Variants in DIAPH2 observed in about 807,000 individuals in gnomAD.
The protein encoded by DIAPH2 is diaphanous related formin 2.
In DIAPH2, 35 loss-of-function variants were observed where a neutral mutation model predicts 92.7. The ratio of observed to expected loss-of-function variants is 0.38; its 90% CI spans 0.29 to 0.50. The LOEUF (loss-of-function observed/expected upper bound fraction) is 0.50. Among genes scored for constraint, DIAPH2 ranks in the 20% least tolerant of loss-of-function variants. DIAPH2 has a pLI of 0.94. For synonymous variants in DIAPH2, 301 were observed against 280.4 expected (o/e 1.07, Z -0.73); for missense variants, 701 against 819.5 (o/e 0.86, Z 1.77).
chrX:97,499,510 A>G (rs1370846468), intron 26 of DIAPH2, among the ~76,000 whole-genome samples: 4 of 111,948 alleles, frequency 3.6e-5, no homozygotes, highest in African/African-American at 6.5e-5. Context: ...TGTCACTCAA[A>G]TAGTGACCAT....
intron 26 of DIAPH2, among the ~76,000 whole-genome samples, chrX:97,572,177 A>C (rs1279265758): frequency 9.1e-6 from 1 of 109,623 alleles, no homozygotes; most frequent in Non-Finnish European, 1.9e-5. Flanking sequence ...CAGCCGTTAC[A>C]TATCATTAGT....
intron 23 of DIAPH2, among the ~76,000 whole-genome samples, chrX:97,250,424 G>A (rs952697520): frequency 2.7e-5 from 3 of 112,058 alleles, no homozygotes; most frequent in Non-Finnish European, 3.8e-5. Context: ...TGAATATGCA[G>A]GTTGGATCTT....
At chrX:97,591,582 AGAAAC>A (rs2071517499) in intron 26 of DIAPH2, among the ~76,000 whole-genome samples, 1 of 112,337 alleles carries the variant, frequency 8.9e-6, no homozygotes, top group Non-Finnish European at 1.9e-5. Context: ...ACAAGTTTCT[AGAAAC>A]TACTATGTAT....
chrX:97,410,152 T>C (rs971529125), intron 25 of DIAPH2, among the ~76,000 whole-genome samples: 4 of 111,578 alleles, frequency 3.6e-5, no homozygotes, highest in African/African-American at 1.3e-4. Context: ...CGAGTGACCC[T>C]CTGGGATGAA....
intron 4 of DIAPH2, among the ~76,000 whole-genome samples, chrX:96,862,536 C>T (rs1019099239): frequency 3.8e-4 from 43 of 111,750 alleles, no homozygotes; most frequent in Non-Finnish European, 2.8e-4. Context: ...GGATAATTAC[C>T]TTCAATTCCC....
At chrX:96,802,324 T>C (rs771012094) in intron 4 of DIAPH2, among the ~76,000 whole-genome samples, 5 of 112,247 alleles carry the variant, frequency 4.5e-5, no homozygotes, top group African/African-American at 1.3e-4. Context: ...AAAACATCAA[T>C]AGATGATATG....
intron 4 of DIAPH2, among the ~76,000 whole-genome samples, chrX:96,775,524 C>T (rs1214690298): frequency 9.0e-6 from 1 of 110,633 alleles, no homozygotes; most frequent in Admixed American, 9.8e-5. Flanking sequence ...CCAAAGATAG[C>T]TCTTCATCAT....
intron 11 of DIAPH2, among the ~76,000 whole-genome samples, chrX:96,938,277 G>T (rs1445340766): frequency 2.7e-5 from 3 of 111,612 alleles, no homozygotes; most frequent in Non-Finnish European, 3.8e-5. Flanking sequence ...TGTGTGCAAT[G>T]AATAACAATG....
intron 5 of DIAPH2, among the ~76,000 whole-genome samples, chrX:96,907,190 C>T (rs2065439123): frequency 8.9e-6 from 1 of 111,745 alleles, no homozygotes; most frequent in African/African-American, 3.3e-5. Flanking sequence ...ACATTTTGGC[C>T]CTATTCTTTC....
At chrX:97,022,319 G>A (rs7883067) in intron 17 of DIAPH2, among the ~76,000 whole-genome samples, 45,244 of 110,942 alleles carry the variant, frequency 0.41, 6,991 homozygotes, top group South Asian at 0.54. Flanking sequence ...ACTGTTGACA[G>A]TGTGTGGTGT....
intron 1 of DIAPH2, among the ~76,000 whole-genome samples, chrX:96,697,544 G>T (rs1243741623): frequency 9.0e-6 from 1 of 110,790 alleles, no homozygotes; most frequent in Non-Finnish European, 1.9e-5. Flanking sequence ...TACCTGGGAG[G>T]CCGAGGCAGG....
chrX:97,573,516 T>A (rs1427040649), intron 26 of DIAPH2, among the ~76,000 whole-genome samples: 1 of 111,116 alleles, frequency 9.0e-6, no homozygotes, highest in Admixed American at 9.6e-5. Context: ...TATGAGATGA[T>A]TAAACTCACT....
intron 4 of DIAPH2, among the ~76,000 whole-genome samples, chrX:96,836,717 A>ATT (rs1172979194): frequency 0.014 from 259 of 18,892 alleles, 11 homozygotes; most frequent in Non-Finnish European, 0.019. Context: ...ATATATATAT[A>ATT]TTTTTTTTTT....
At chrX:97,041,212 A>G (rs1248127209) in intron 17 of DIAPH2, among the ~76,000 whole-genome samples, 1 of 111,128 alleles carries the variant, frequency 9.0e-6, no homozygotes, top group Non-Finnish European at 1.9e-5. Flanking sequence ...TTGCCAACCT[A>G]CGCACACCCG....
intron 26 of DIAPH2, among the ~76,000 whole-genome samples, chrX:97,551,605 AAAAAATTAAAATTAAATTT>A (rs1406100439): frequency 4.5e-5 from 5 of 110,154 alleles, no homozygotes; most frequent in Non-Finnish European, 7.6e-5. Flanking sequence ...TAAAAAAAAA[AAAAAATTAAAATTAAATTT>A]AAAAATTAAA....
chrX:97,074,223 A>G (rs1186673538), intron 18 of DIAPH2, among the ~76,000 whole-genome samples: 2 of 111,443 alleles, frequency 1.8e-5, no homozygotes, highest in African/African-American at 6.5e-5. Context: ...CCTGGACAAC[A>G]TGGTGAAACC....
intron 17 of DIAPH2, among the ~76,000 whole-genome samples, chrX:97,063,544 A>G (rs2066614747): frequency 8.9e-6 from 1 of 111,948 alleles, no homozygotes; most frequent in Non-Finnish European, 1.9e-5. Flanking sequence ...GTGAGACTAT[A>G]TGGGGAATAA....
Position 97,072,967 on chromosome X carries a change from G to A in DIAPH2, c.2077G>A (p.Glu693Lys), listed in dbSNP as rs909445352. 2.5e-6 allele frequency: 3 copies of A among 1,199,092 alleles called. No individual in the cohort carries two copies. Among genetic ancestry groups the A allele is most frequent in the Non-Finnish European group, 2.2e-6 (2 of 891,570 alleles). Residue 693 changes from glutamate (E) to lysine (K), a missense_variant, in exon 18 of 27, where the codon GAA becomes AAA. Around this residue, in one of 3 missense-constraint regions of DIAPH2, gnomAD observed 536 missense variants for 599.3 expected, o/e 0.89. Coordinates refer to ENST00000324765, the MANE Select transcript of DIAPH2 (RefSeq NM_006729.5). Reference sequence around the variant, plus strand: ...TCAAAAGAACGCAGAAGCATTAGAAGAAAAGAAGACTGGGCCTACAAAGAA... The same window carrying A: ...TCAAAAGAACGCAGAAGCATTAGAAAAAAAGAAGACTGGGCCTACAAAGAA... ...KVQKNAEALE[E>K]KKTGPTKKKV...
intron 22 of DIAPH2, among the ~76,000 whole-genome samples, chrX:97,154,462 A>G (rs760911752): frequency 1.8e-5 from 2 of 112,062 alleles, no homozygotes; most frequent in South Asian, 7.5e-4. Context: ...AAGGTCAATT[A>G]TTATAATTAG....
Sources: allele counts gnomAD v4.1 joint callset (sites outside exome capture counted in the v4.1 genomes callset), GRCh38; gene constraint gnomAD v4.1.1; regional missense constraint gnomAD v4.1.1; transcripts MANE v1.5; gene names NCBI Gene and HGNC (gene_info 2026-07-23, HGNC 2026-07-21).